Variants in TSNARE1 observed in about 807,000 individuals in gnomAD.
The protein encoded by TSNARE1 is t-SNARE domain containing 1, also known as t-SNARE domain-containing protein 1.
TSNARE1 carries 49 observed loss-of-function variants against 62.0 expected under a neutral mutation model. The ratio of observed to expected loss-of-function variants is 0.79; its 90% CI spans 0.63 to 1.00. The LOEUF is 1.00. Among genes scored for constraint, TSNARE1 ranks in the 50% least tolerant of loss-of-function variants. The probability of loss-of-function intolerance (pLI) is 0.00; values close to 1 mark genes in which losing one functional copy is unlikely to be tolerated. For synonymous variants in TSNARE1, 328 were observed against 294.4 expected (o/e 1.11, Z -1.17); for missense variants, 755 against 700.1 (o/e 1.08, Z -0.88).
At chr8:142,352,493 A>G (rs1342809925) in intron 2 of TSNARE1, among the ~76,000 whole-genome samples, 1 of 152,270 alleles carries the variant, frequency 6.6e-6, no homozygotes, top group African/African-American at 2.4e-5. Flanking sequence ...GGCCCTGGCC[A>G]TGGGCACAGG....
intron 10 of TSNARE1, among the ~76,000 whole-genome samples, chr8:142,299,095 G>A (rs1438719261): frequency 6.6e-6 from 1 of 152,244 alleles, no homozygotes; most frequent in Non-Finnish European, 1.5e-5. Context: ...AGGAAAGGGT[G>A]AAGGGGATGA....
chr8:142,231,987 G>A (rs1448896237), intron 12 of TSNARE1, among the ~76,000 whole-genome samples: 1 of 152,228 alleles, frequency 6.6e-6, no homozygotes, highest in Non-Finnish European at 1.5e-5. Flanking sequence ...CCATGCGTGG[G>A]GGTCTCCCAG....
At position 142,279,409 on chromosome 8, in the gene TSNARE1, C is replaced by T. The variant is rs545708634; in HGVS notation, c.1364-4546G>A. On this transcript the variant is annotated intron_variant, in intron 11 of 13. Transcript: ENST00000524325. The stretch of plus-strand genomic sequence containing the variant: ...GGCTGCACCCGCTGCTGCTGCACGT[C>T]GGGGAGCTCAGGCCTTGTCTCTGCC... Among the ~76,000 whole-genome samples, 181 of 152,304 alleles carry T rather than the reference C, an allele frequency of 1.2e-3. 3 individuals carry two copies. The highest frequency in any genetic ancestry group is 8.4e-3 in the Admixed American group (128 of 15,308).
chr8:142,266,091 T>C (rs1004383556), intron 12 of TSNARE1, among the ~76,000 whole-genome samples: 1 of 152,232 alleles, frequency 6.6e-6, no homozygotes, highest in East Asian at 1.9e-4. Flanking sequence ...AGCTTTTTTA[T>C]GATGTACAGT....
At chr8:142,382,037 G>A (rs887131576) in intron 1 of TSNARE1, among the ~76,000 whole-genome samples, 1 of 152,136 alleles carries the variant, frequency 6.6e-6, no homozygotes, top group Non-Finnish European at 1.5e-5. Flanking sequence ...CTCGGTGGAG[G>A]AGGCCTGGCC....
chr8:142,256,982 C>T (rs182852813), intron 12 of TSNARE1, among the ~76,000 whole-genome samples: 2 of 152,296 alleles, frequency 1.3e-5, no homozygotes, highest in South Asian at 2.1e-4. Context: ...ATTTGCATGC[C>T]ATTTGCATAC....
At chr8:142,240,929 GA>G (rs1586824581) in intron 12 of TSNARE1, among the ~76,000 whole-genome samples, 2 of 152,318 alleles carry the variant, frequency 1.3e-5, no homozygotes, top group South Asian at 2.1e-4. Context: ...AACTTTAGAG[GA>G]AAGAACTTTT....
chr8:142,332,485 T>C (rs752556383), intron 4 of TSNARE1, among the ~76,000 whole-genome samples: 40 of 152,122 alleles, frequency 2.6e-4, no homozygotes, highest in Non-Finnish European at 4.3e-4. Context: ...GTGGTGATTA[T>C]AGAATGCTGA....
chr8:142,327,594 C>A (rs1007271881), intron 6 of TSNARE1, among the ~76,000 whole-genome samples: 2 of 152,236 alleles, frequency 1.3e-5, no homozygotes, highest in Admixed American at 1.3e-4. Context: ...GCTCTTCACA[C>A]CCTGCTGGCC....
intron 10 of TSNARE1, among the ~76,000 whole-genome samples, chr8:142,292,507 G>A (rs2131103906): frequency 6.6e-6 from 1 of 152,274 alleles, no homozygotes; most frequent in East Asian, 1.9e-4. Context: ...CACAGACAGG[G>A]CGGGAGCCAC....
At chr8:142,234,923 C>T (rs1817330745) in intron 12 of TSNARE1, among the ~76,000 whole-genome samples, 1 of 152,066 alleles carries the variant, frequency 6.6e-6, no homozygotes, top group Non-Finnish European at 1.5e-5. Flanking sequence ...CAACACCTTC[C>T]CACCAGTGTG....
chr8:142,255,979 A>T, intron 12 of TSNARE1, among the ~76,000 whole-genome samples: 1 of 124,994 alleles, frequency 8.0e-6, no homozygotes, highest in African/African-American at 3.0e-5. Context: ...CACCATCACC[A>T]CCACCACCAC....
chr8:142,270,167 G>A, intron 12 of TSNARE1: 4 of 985,424 alleles, frequency 4.1e-6, no homozygotes, highest in Non-Finnish European at 3.6e-6. Flanking sequence ...TAGGCTGGGG[G>A]GCTGCAGACT....
intron 13 of TSNARE1, among the ~76,000 whole-genome samples, chr8:142,222,142 T>C (rs866101222): frequency 2.8e-5 from 4 of 140,708 alleles, no homozygotes; most frequent in Admixed American, 7.1e-5. Flanking sequence ...ATCCACTCAT[T>C]CACTCACTCA....
At chr8:142,293,355 T>G (rs1425760011) in intron 10 of TSNARE1, among the ~76,000 whole-genome samples, 1 of 152,000 alleles carries the variant, frequency 6.6e-6, no homozygotes, top group African/African-American at 2.4e-5. Flanking sequence ...GGCAGGAGGG[T>G]GGGTGTGGGG....
At chr8:142,235,467 T>C (rs1817365695) in intron 12 of TSNARE1, among the ~76,000 whole-genome samples, 1 of 139,674 alleles carries the variant, frequency 7.2e-6, no homozygotes, top group African/African-American at 2.6e-5. Context: ...CAGGAACCGC[T>C]TCCCATGCAA....
intron 11 of TSNARE1, among the ~76,000 whole-genome samples, chr8:142,282,085 G>C (rs758703401): frequency 3.9e-5 from 6 of 152,222 alleles, no homozygotes; most frequent in Non-Finnish European, 8.8e-5. Context: ...GAGGAACGCA[G>C]AGCTGAGGGC....
At chr8:142,323,205 C>T (rs979694361) in intron 6 of TSNARE1, among the ~76,000 whole-genome samples, 1 of 152,198 alleles carries the variant, frequency 6.6e-6, no homozygotes, top group Non-Finnish European at 1.5e-5. Flanking sequence ...TCAAGGTAAT[C>T]CCAAAAAATT....
intron 12 of TSNARE1, among the ~76,000 whole-genome samples, chr8:142,241,699 A>C (rs999870744): frequency 9.2e-5 from 14 of 152,228 alleles, no homozygotes; most frequent in African/African-American, 3.1e-4. Flanking sequence ...AAACAAATCC[A>C]TGCATTTGCA....
Sources: gnomAD v4.1 joint callset for allele counts (sites outside exome capture counted in the v4.1 genomes callset) on GRCh38, gnomAD v4.1.1 for gene constraint, MANE v1.5 for transcripts, NCBI Gene and HGNC (gene_info 2026-07-23, HGNC 2026-07-21) for gene names.